The following KLF12 variants were observed in gnomAD, a reference collection of about 807,000 sequenced individuals.
KLF12 encodes the protein KLF transcription factor 12.
A neutral mutation model predicts 37.8 loss-of-function variants in KLF12; 9 were observed. The observed-to-expected ratio is 0.24, with a 90% CI of 0.14 to 0.42. The LOEUF (loss-of-function observed/expected upper bound fraction) is 0.42. Ranked by LOEUF, KLF12 falls within the 10% of genes least tolerant of loss-of-function variation. The probability of loss-of-function intolerance (pLI) is 1.00; values close to 1 mark genes in which losing one functional copy is unlikely to be tolerated. For missense variants in KLF12, 411 were observed against 516.0 expected, an observed-to-expected ratio of 0.80 and a Z score of 1.97; for synonymous variants, 208 against 202.1, an observed-to-expected ratio of 1.03 and a Z score of -0.25.
chr13:74,099,075 G>A (rs952634004), intron 1 of KLF12, among the ~76,000 whole-genome samples: 6 of 152,078 alleles, frequency 3.9e-5, no homozygotes, highest in African/African-American at 1.4e-4. Context: ...GGACCAGGTG[G>A]GGTGGCTCAC....
chr13:73,997,519 T>C (rs9543509), intron 1 of KLF12, among the ~76,000 whole-genome samples: 115,513 of 152,100 alleles, frequency 0.76, 45,402 homozygotes, highest in Non-Finnish European at 0.87. Flanking sequence ...GATACATCTC[T>C]AATTTTATTC....
the KLF12 span, among the ~76,000 whole-genome samples, chr13:74,219,916 A>C: frequency 2.6e-5 from 4 of 151,642 alleles, no homozygotes; most frequent in Non-Finnish European, 5.9e-5. Flanking sequence ...CTTTTCTTTT[A>C]AAACTTCTTT....
At chr13:73,910,453 T>A (rs1888513632) in intron 3 of KLF12, among the ~76,000 whole-genome samples, 1 of 152,186 alleles carries the variant, frequency 6.6e-6, no homozygotes, top group South Asian at 2.1e-4. Flanking sequence ...GCAATTTGTC[T>A]TTATTAAAGC....
At chr13:74,110,028 T>C (rs967859278) in intron 1 of KLF12, among the ~76,000 whole-genome samples, 2 of 152,194 alleles carry the variant, frequency 1.3e-5, no homozygotes, top group East Asian at 3.8e-4. Context: ...GAGAGGATAG[T>C]AAACTTTAGC....
At chr13:73,716,205 T>G (rs969506731) in intron 6 of KLF12, among the ~76,000 whole-genome samples, 1 of 152,216 alleles carries the variant, frequency 6.6e-6, no homozygotes, top group Non-Finnish European at 1.5e-5. Context: ...GGCCCTAACT[T>G]GCATATTGTT....
At chr13:73,703,156 C>T (rs773890403) in intron 7 of KLF12, among the ~76,000 whole-genome samples, 3 of 152,086 alleles carry the variant, frequency 2.0e-5, no homozygotes, top group Non-Finnish European at 4.4e-5. Flanking sequence ...GCCATTTACT[C>T]CTGCAGCACT....
intron 1 of KLF12, among the ~76,000 whole-genome samples, chr13:74,119,466 A>G (rs988696084): frequency 6.6e-6 from 1 of 152,220 alleles, no homozygotes; most frequent in African/African-American, 2.4e-5. Flanking sequence ...CAAAATAAAT[A>G]TAAGATGTAA....
At chr13:74,175,134 A>AT in the KLF12 span, among the ~76,000 whole-genome samples, 23 of 152,140 alleles carry the variant, frequency 1.5e-4, no homozygotes, top group African/African-American at 4.8e-4. Context: ...ACAAAAATAA[A>AT]TTTTTTTTAC....
intron 4 of KLF12, among the ~76,000 whole-genome samples, chr13:73,826,174 C>T (rs1331562203): frequency 6.6e-6 from 1 of 151,960 alleles, no homozygotes; most frequent in Non-Finnish European, 1.5e-5. Context: ...GGGGTTTCAC[C>T]GTGTTAGTCA....
chr13:74,234,970 A>G, the KLF12 span, among the ~76,000 whole-genome samples: 4 of 152,190 alleles, frequency 2.6e-5, no homozygotes, highest in African/African-American at 9.7e-5. Flanking sequence ...CTATCTATCT[A>G]ACTATCTATC....
rs750347106 is a variant in KLF12 at position 73,826,189 on chromosome 13, T to G, written c.671-12902A>C. ...GGGGTTTCACCGTGTTAGTCAGGAT[T>G]GTCTCTATCTCCTGACCTCGTGATC... On this transcript the variant is annotated intron_variant, in intron 4 of 7. Transcript: ENST00000377669. 3.9e-5 allele frequency among the ~76,000 whole-genome samples: 6 copies of G among 151,988 alleles called. No homozygotes were observed. In the South Asian group the frequency reaches 6.2e-4, roughly 16 times the overall value.
chr13:74,120,435 G>A lies in KLF12; in HGVS notation c.-32+13304C>T, dbSNP rs573968980. 2.2e-4 allele frequency among the ~76,000 whole-genome samples: 34 copies of A among 152,180 alleles called. No individual in the cohort carries two copies. The South Asian group carries it at 5.6e-3, about 25-fold the overall frequency. ...ACAGAGGTTGCAGTGAGCTGAGGCT[G>A]CGTCACTGCACTCCAGCCTGGGTGG... On this transcript the variant is annotated intron_variant, in intron 1 of 7. Coordinates refer to ENST00000377669, the MANE Select transcript of KLF12 (RefSeq NM_007249.5).
chr13:74,073,869 G>A lies in KLF12; in HGVS notation c.-32+59870C>T, dbSNP rs1172006504. On this transcript the variant is annotated intron_variant, in intron 1 of 7. Transcript: ENST00000377669. ...TCTCTAGTTATCATTATGCATGGTC[G>A]CATACATAAATTTAATAATGCCAAT... is the stretch of plus-strand genomic sequence containing the variant. Among the ~76,000 whole-genome samples, 10 of 152,116 alleles carry A rather than the reference G, an allele frequency of 6.6e-5. No individual in the cohort carries two copies. In the East Asian group the frequency reaches 1.3e-3, roughly 21 times the overall value.
At chr13:73,708,154 A>C (rs1469593443) in intron 7 of KLF12, among the ~76,000 whole-genome samples, 1 of 152,208 alleles carries the variant, frequency 6.6e-6, no homozygotes, top group Non-Finnish European at 1.5e-5. Flanking sequence ...CTATATGAAT[A>C]AACTTCCTTA....
the KLF12 span, among the ~76,000 whole-genome samples, chr13:74,269,356 A>T: frequency 6.6e-6 from 1 of 152,144 alleles, no homozygotes; most frequent in Non-Finnish European, 1.5e-5. Flanking sequence ...TTTCATATAG[A>T]GCATACTGAG....
intron 1 of KLF12, among the ~76,000 whole-genome samples, chr13:74,061,851 A>T (rs189174441): frequency 9.2e-5 from 14 of 152,352 alleles, no homozygotes; most frequent in Admixed American, 8.5e-4. Context: ...AGCTTTCTGA[A>T]ACTTTTAACT....
intron 4 of KLF12, among the ~76,000 whole-genome samples, chr13:73,823,080 T>G (rs775979090): frequency 6.6e-6 from 1 of 152,234 alleles, no homozygotes; most frequent in Middle Eastern, 3.2e-3. Context: ...GAGAAGGTTT[T>G]AGGCATTAAT....
At chr13:73,764,681 T>C (rs1879790563) in intron 6 of KLF12, among the ~76,000 whole-genome samples, 1 of 152,062 alleles carries the variant, frequency 6.6e-6, no homozygotes, top group Admixed American at 6.6e-5. Flanking sequence ...TAAGAGTTTA[T>C]AATCTTGGGA....
At chr13:74,135,358 C>T (rs78813938), upstream of KLF12, among the ~76,000 whole-genome samples, 1 of 151,938 alleles carries the variant, frequency 6.6e-6, no homozygotes, top group African/African-American at 2.4e-5. Context: ...CACTGCCCCA[C>T]GCCCAGAGCG....
Sources: gnomAD v4.1 joint callset for allele counts (sites outside exome capture counted in the v4.1 genomes callset) on GRCh38, gnomAD v4.1.1 for gene constraint, MANE v1.5 for transcripts, NCBI Gene and HGNC (gene_info 2026-07-23, HGNC 2026-07-21) for gene names.